The following FBXL15 variants were observed in gnomAD, a reference collection of about 807,000 sequenced individuals.
FBXL15 encodes F-box/LRR-repeat protein 15.
In FBXL15, 19 loss-of-function variants were observed where a neutral mutation model predicts 23.6. The ratio of observed to expected loss-of-function variants is 0.81; its 90% CI spans 0.56 to 1.18. FBXL15 has a LOEUF of 1.18. Among genes scored for constraint, FBXL15 ranks in the 50% most tolerant of loss-of-function variants. The pLI is 0.00. For synonymous variants in FBXL15, 224 were observed against 207.7 expected, an observed-to-expected ratio of 1.08 and a Z score of -0.67; for missense variants, 385 against 425.4, an observed-to-expected ratio of 0.91 and a Z score of 0.83.
rs2061574122 is a variant in FBXL15 at position 102,422,291 on chromosome 10, AGGT to A, written c.713+1_713+3del. 1 of 1,497,530 alleles carries A rather than the reference AGGT, an allele frequency of 6.7e-7. No individual in the cohort carries two copies. The highest frequency in any genetic ancestry group is 1.4e-5 in the African/African-American group (1 of 70,486). 92.8% of individuals were successfully genotyped at this position (1,497,530 alleles called of 1,614,324 possible). A position where few individuals can be genotyped will look rare whatever the true frequency, so the allele number is the denominator to read the frequency against. ...CCTCCGCGTCGGAAGCGACGGTGTC[AGGT>A]GCCTGGGCCTGATAGGGCGGGAGGA... is the stretch of plus-strand genomic sequence containing the variant. On this transcript the variant is annotated splice_donor_variant and coding_sequence_variant, in exon 3 of 4. Transcript: ENST00000369956. LOFTEE classifies it high-confidence loss of function.
chr10:102,421,037 G>A lies in FBXL15; in HGVS notation c.-93G>A, dbSNP rs201688038. The stretch of plus-strand genomic sequence containing the variant: ...CGGTGAGACGGCACTCGATTAAATA[G>A]GTCTGTCTCTACAGGCCAAGGAGGC... On this transcript the variant is annotated 5_prime_UTR_variant, in exon 1 of 4. Transcript: ENST00000369956. The A allele has an allele frequency of 1.7e-3, 2,642 of 1,551,820 alleles. 2 individuals carry two copies. Among genetic ancestry groups the A allele is most frequent in the Non-Finnish European group, 2.1e-3 (2,366 of 1,147,430 alleles).
rs867887332 is a variant in FBXL15 at position 102,422,986 on chromosome 10, A to G, written c.896A>G (p.Gln299Arg). ...MAGFAPFVNL[Q>R]V ...GGCTTCGCACCTTTTGTCAACCTGC[A>G]GGTCTGACCCGCCTGCCAATCGGAG... Residue 299 changes from glutamine to arginine, a missense_variant, in exon 4 of 4, where the codon CAG becomes CGG. Gln to Arg is a conservative substitution (Grantham distance 43). This residue lies in a region of FBXL15 where 255 missense variants were observed against 330.2 expected (regional missense o/e 0.77). Transcript: ENST00000369956. 1 of 1,549,424 alleles carries G rather than the reference A, an allele frequency of 6.5e-7. No individual in the cohort carries two copies. Among genetic ancestry groups the G allele is most frequent in the Admixed American group, 1.9e-5 (1 of 51,562 alleles).
rs940043159 is a variant in FBXL15 at position 102,420,956 on chromosome 10, C to G, written c.-174C>G. 6.7e-7 allele frequency: 1 copy of G among 1,492,656 alleles called. No individual in the cohort carries two copies. Among genetic ancestry groups the G allele is most frequent in the Non-Finnish European group, 8.9e-7 (1 of 1,118,366 alleles). 92.5% of individuals were successfully genotyped at this position (1,492,656 alleles called of 1,614,324 possible). On this transcript the variant is annotated 5_prime_UTR_variant, in exon 1 of 4. Transcript: ENST00000369956. ...AAGGCGAGGCCTAATGTTACACCAC[C>G]GGTCTGTTCCGCCTCCGTTTCGGGG...
Position 102,420,892 on chromosome 10 carries a change from C to T in FBXL15, c.-238C>T. ...ACAGAAGCCAGTCTCTGATGCCCAC[C>T]GCATTCTCCAGCTTCAGGCCTCAAG... On this transcript the variant is annotated 5_prime_UTR_variant, in exon 1 of 4. Coordinates refer to ENST00000369956, the MANE Select transcript of FBXL15 (RefSeq NM_024326.4). The T allele has an allele frequency of 1.4e-6, 2 of 1,402,240 alleles. No homozygotes were observed. The highest frequency in any genetic ancestry group is 1.9e-6 in the Non-Finnish European group (2 of 1,077,288). 86.9% of individuals were successfully genotyped at this position (1,402,240 alleles called of 1,614,324 possible).
At position 102,422,858 on chromosome 10, in the gene FBXL15, C is replaced by T. The variant is rs1332749157; in HGVS notation, c.768C>T (p.His256=). 6.2e-7 allele frequency: 1 copy of T among 1,610,980 alleles called. No individual in the cohort carries two copies. The highest frequency in any genetic ancestry group is 8.5e-7 in the Non-Finnish European group (1 of 1,179,678). The change falls in exon 4 of 4, where the codon CAC becomes CAT. Residue 256 remains histidine, a synonymous_variant. Coordinates refer to ENST00000369956, the MANE Select transcript of FBXL15 (RefSeq NM_024326.4). ...GTTCGCTGCGGGTGCGGCACTGCCACCATGTGGCGGAGTCCAGCCTGAGCC... is the reference window on the plus strand; with the variant it reads ...GTTCGCTGCGGGTGCGGCACTGCCATCATGTGGCGGAGTCCAGCCTGAGCC... ...VLRSLRVRHC[H]HVAESSLSRL...
Position 102,421,360 on chromosome 10 carries a change from G to A in FBXL15, c.60G>A (p.Leu20=), listed in dbSNP as rs1256792245. The part of the protein sequence containing the change: ...GEQEPGAVRF[L]DLPWEDVLLP... Reference sequence around the variant, plus strand: ...AACGCCCCTTTACTCGCAGGTTCCTGGACCTGCCCTGGGAAGACGTGCTGC... The same window carrying A: ...AACGCCCCTTTACTCGCAGGTTCCTAGACCTGCCCTGGGAAGACGTGCTGC... The change falls in exon 2 of 4, where the codon CTG becomes CTA. Residue 20 remains leucine, a synonymous_variant. Transcript: ENST00000369956. 2 of 1,556,750 alleles carry A rather than the reference G, an allele frequency of 1.3e-6. 1 individual carries two copies. The highest frequency in any genetic ancestry group is 2.7e-5 in the African/African-American group (2 of 73,068).
rs1445895258 is a variant in FBXL15, at chr10:102,423,007, C to A, written c.*14C>A. The A allele has an allele frequency of 1.3e-6, 2 of 1,530,764 alleles. No homozygotes were observed. The highest frequency in any genetic ancestry group is 2.7e-5 in the African/African-American group (2 of 73,178). The allele number at this position is 1,530,764 out of a possible 1,614,324, so 94.8% of individuals were successfully genotyped here. A position where few individuals can be genotyped will look rare whatever the true frequency, so the allele number is the denominator to read the frequency against. The stretch of plus-strand genomic sequence containing the variant: ...CTGCAGGTCTGACCCGCCTGCCAAT[C>A]GGAGCACAGCTGGACTGTGTGGCTG... On this transcript the variant is annotated 3_prime_UTR_variant, in exon 4 of 4. Coordinates refer to ENST00000369956, the MANE Select transcript of FBXL15 (RefSeq NM_024326.4). The surrounding 1 kb of genome is among the most constrained non-coding windows in gnomAD (Gnocchi z 5.6).
chr10:102,421,920 C>T lies in FBXL15; in HGVS notation c.341C>T (p.Pro114Leu), dbSNP rs1002206188. 1 of 1,605,614 alleles carries T rather than the reference C, an allele frequency of 6.2e-7. No individual in the cohort carries two copies. Among genetic ancestry groups the T allele is most frequent in the Non-Finnish European group, 8.5e-7 (1 of 1,179,312 alleles). ...CTGGTGCCGGTGCTGGCGCGGAATC[C>T]GCAGCTGCGGAGTGTGGCGTTGGGC... ...EDLVPVLARN[P>L]QLRSVALGGC... The change falls in exon 3 of 4, where the codon CCG becomes CTG. Residue 114 changes from proline to leucine, a missense_variant. By Grantham distance (98) the Pro-to-Leu change is moderately conservative. Coordinates refer to ENST00000369956, the MANE Select transcript of FBXL15 (RefSeq NM_024326.4).
At position 102,420,874 on chromosome 10, in the gene FBXL15, C is replaced by G. The variant is rs2061550151; in HGVS notation, c.-256C>G. The G allele has an allele frequency of 1.5e-6, 2 of 1,374,832 alleles. No individual in the cohort carries two copies. Among genetic ancestry groups the G allele is most frequent in the South Asian group, 1.5e-5 (1 of 65,206 alleles). 85.2% of individuals were successfully genotyped at this position (1,374,832 alleles called of 1,614,324 possible). On this transcript the variant is annotated 5_prime_UTR_variant, in exon 1 of 4. Coordinates refer to ENST00000369956, the MANE Select transcript of FBXL15 (RefSeq NM_024326.4). The stretch of plus-strand genomic sequence containing the variant: ...TACTGGCTCAAGAGGACGACAGAAG[C>G]CAGTCTCTGATGCCCACCGCATTCT...
chr10:102,422,300 G>A lies in FBXL15; in HGVS notation c.713+8G>A. ...CGGAAGCGACGGTGTCAGGTGCCTG[G>A]GCCTGATAGGGCGGGAGGAGGGCAG... On this transcript the variant is annotated splice_region_variant and intron_variant, in intron 3 of 3. Coordinates refer to ENST00000369956, the MANE Select transcript of FBXL15 (RefSeq NM_024326.4). 6.7e-7 allele frequency: 1 copy of A among 1,495,016 alleles called. No homozygotes were observed. The highest frequency in any genetic ancestry group is 8.9e-7 in the Non-Finnish European group (1 of 1,123,222). The allele number at this position is 1,495,016 out of a possible 1,614,324, so 92.6% of individuals were successfully genotyped here. A position where few individuals can be genotyped will look rare whatever the true frequency, so the allele number is the denominator to read the frequency against.
At chr10:102,421,693 C>T (rs978658334) in intron 2 of FBXL15, 94 bp from the exon 3 acceptor site, 7 of 1,466,494 alleles carry the variant, frequency 4.8e-6, no homozygotes, top group African/African-American at 2.8e-5. Flanking sequence ...CCTGGGAGAG[C>T]AGGAGGCTGC....
Position 102,422,200 on chromosome 10 carries a change from G to T in FBXL15, c.621G>T (p.Gly207=). 9 of 1,532,970 alleles carry T rather than the reference G, an allele frequency of 5.9e-6. No homozygotes were observed. Among genetic ancestry groups the T allele is most frequent in the Non-Finnish European group, 6.1e-6 (7 of 1,138,940 alleles). The allele number at this position is 1,532,970 out of a possible 1,614,324, so 95.0% of individuals were successfully genotyped here. A position where few individuals can be genotyped will look rare whatever the true frequency, so the allele number is the denominator to read the frequency against. The change falls in exon 3 of 4, where the codon GGG becomes GGT. Residue 207 remains glycine, a synonymous_variant. Transcript: ENST00000369956. The stretch of plus-strand genomic sequence containing the variant: ...CTCTGGCCGTCAACGCCAACGTGGG[G>T]GACGCCGCGGTTCAAGAGTTGGCTC... The part of the protein sequence containing the change: ...SLSLAVNANV[G]DAAVQELARN...
At position 102,422,287 on chromosome 10, in the gene FBXL15, T is replaced by G. The variant is rs747073750; in HGVS notation, c.708T>G (p.Gly236=). The part of the protein sequence containing the change: ...LTGCLRVGSD[G]VRTLAEYCPV... ...GCTGCCTCCGCGTCGGAAGCGACGG[T>G]GTCAGGTGCCTGGGCCTGATAGGGC... The change falls in exon 3 of 4, where the codon GGT becomes GGG. Residue 236 remains glycine, a synonymous_variant. Coordinates refer to ENST00000369956, the MANE Select transcript of FBXL15 (RefSeq NM_024326.4). 6.7e-7 allele frequency: 1 copy of G among 1,497,050 alleles called. No individual in the cohort carries two copies. The highest frequency in any genetic ancestry group is 2.3e-5 in the Admixed American group (1 of 42,616). The allele number at this position is 1,497,050 out of a possible 1,614,324, so 92.7% of individuals were successfully genotyped here. A position where few individuals can be genotyped will look rare whatever the true frequency, so the allele number is the denominator to read the frequency against.
rs2061581328 is a variant in FBXL15 at position 102,423,073 on chromosome 10, C to T, written c.*80C>T. 2.1e-6 allele frequency: 3 copies of T among 1,407,282 alleles called. No individual in the cohort carries two copies. Among genetic ancestry groups the T allele is most frequent in the Non-Finnish European group, 1.9e-6 (2 of 1,053,556 alleles). The allele number at this position is 1,407,282 out of a possible 1,614,324, so 87.2% of individuals were successfully genotyped here. On this transcript the variant is annotated 3_prime_UTR_variant, in exon 4 of 4. Coordinates refer to ENST00000369956, the MANE Select transcript of FBXL15 (RefSeq NM_024326.4). This position sits in a 1 kb window ranked among gnomAD's most constrained non-coding sequence, Gnocchi z 5.6. ...CTGTAGGGAAACTGAACTGTGAGGACCTCTGGTGAGAGGCCAGTGCCCTGC... is the reference window on the plus strand; with the variant it reads ...CTGTAGGGAAACTGAACTGTGAGGATCTCTGGTGAGAGGCCAGTGCCCTGC...
Position 102,421,112 on chromosome 10 carries a change from A to T in FBXL15, c.-18A>T. The T allele has an allele frequency of 6.2e-7, 1 of 1,603,840 alleles. No individual in the cohort carries two copies. The highest frequency in any genetic ancestry group is 8.5e-7 in the Non-Finnish European group (1 of 1,175,122). On this transcript the variant is annotated 5_prime_UTR_variant, in exon 1 of 4. Transcript: ENST00000369956. ...CCAAAGCGAGAAAATCTTACTGCGC[A>T]CGCGCAATAGACAGCCGATGGAGCC...
chr10:102,421,903 G>T lies in FBXL15; in HGVS notation c.324G>T (p.Pro108=). 6.2e-7 allele frequency: 1 copy of T among 1,606,108 alleles called. No individual in the cohort carries two copies. Among genetic ancestry groups the T allele is most frequent in the Non-Finnish European group, 8.5e-7 (1 of 1,179,316 alleles). The change falls in exon 3 of 4, where the codon CCG becomes CCT. Residue 108 remains proline, a synonymous_variant. Transcript: ENST00000369956. The part of the protein sequence containing the change: ...HEWLSDEDLV[P]VLARNPQLRS... ...GGCTGTCAGACGAGGACCTGGTGCC[G>T]GTGCTGGCGCGGAATCCGCAGCTGC...
intron 1 of FBXL15, 54 bp downstream of exon 1, chr10:102,421,236 G>A (rs2061557226): frequency 1.3e-6 from 2 of 1,587,928 alleles, no homozygotes; most frequent in South Asian, 2.3e-5. Flanking sequence ...GAGGGGAGCC[G>A]AGCCGGGGCT....
chr10:102,422,957 G>A lies in FBXL15; in HGVS notation c.867G>A (p.Met289Ile). ...AGGCCCTGGTGCTGCTGCAGGATAT[G>A]GCGGGCTTCGCACCTTTTGTCAACC... ...LHQALVLLQD[M>I]AGFAPFVNLQ... Residue 289 changes from methionine to isoleucine, a missense_variant, in exon 4 of 4, where the codon ATG becomes ATA. Met to Ile is a conservative substitution (Grantham distance 10). This residue lies in a region of FBXL15 where 255 missense variants were observed against 330.2 expected (regional missense o/e 0.77). Transcript: ENST00000369956. The A allele has an allele frequency of 1.3e-6, 2 of 1,584,614 alleles. No individual in the cohort carries two copies. The highest frequency in any genetic ancestry group is 1.7e-6 in the Non-Finnish European group (2 of 1,165,688).
Position 102,423,085 on chromosome 10 carries a change from G to T in FBXL15, c.*92G>T. 3.0e-6 allele frequency: 4 copies of T among 1,324,124 alleles called. No homozygotes were observed. Among genetic ancestry groups the T allele is most frequent in the Non-Finnish European group, 4.1e-6 (4 of 980,048 alleles). The allele number at this position is 1,324,124 out of a possible 1,614,324, so 82.0% of individuals were successfully genotyped here. A position where few individuals can be genotyped will look rare whatever the true frequency, so the allele number is the denominator to read the frequency against. Reference sequence around the variant, plus strand: ...TGAACTGTGAGGACCTCTGGTGAGAGGCCAGTGCCCTGCCCCACCCTGGAG... The same window carrying T: ...TGAACTGTGAGGACCTCTGGTGAGATGCCAGTGCCCTGCCCCACCCTGGAG... On this transcript the variant is annotated 3_prime_UTR_variant, in exon 4 of 4. Coordinates refer to ENST00000369956, the MANE Select transcript of FBXL15 (RefSeq NM_024326.4). The surrounding 1 kb of genome is among the most constrained non-coding windows in gnomAD (Gnocchi z 5.6).
Sources: gnomAD v4.1 joint callset for allele counts on GRCh38, gnomAD v4.1.1 for gene constraint, gnomAD v4.1.1 regional missense constraint, Gnocchi (gnomAD v3.1) non-coding constraint, MANE v1.5 for transcripts, NCBI Gene and HGNC (gene_info 2026-07-23, HGNC 2026-07-21) for gene names.